The following SPTLC1 variants were observed in gnomAD, a reference collection of about 807,000 sequenced individuals.
SPTLC1 encodes the protein serine palmitoyltransferase 1.
A neutral mutation model predicts 68.9 loss-of-function variants in SPTLC1; 55 were observed. That is an observed-to-expected ratio of 0.80 (90% CI 0.64 to 1.00). SPTLC1 has a LOEUF of 1.00. Ranked by LOEUF, SPTLC1 falls within the 50% of genes least tolerant of loss-of-function variation. The pLI, the probability that SPTLC1 is intolerant of heterozygous loss-of-function variation, is 0.00. For missense variants in SPTLC1, 449 were observed against 573.1 expected, an observed-to-expected ratio of 0.78 and a Z score of 2.21; for synonymous variants, 197 against 201.6, an observed-to-expected ratio of 0.98 and a Z score of 0.19.
At chr9:92,059,374 G>A in intron 6 of SPTLC1, 66 bp from the exon 7 acceptor site, 2 of 1,560,056 alleles carry the variant, frequency 1.3e-6, no homozygotes, top group Non-Finnish European at 1.8e-6. Flanking sequence ...AAAAAGGAAT[G>A]CTTGTTTTTG....
intron 3 of SPTLC1, among the ~76,000 whole-genome samples, chr9:92,097,666 G>A (rs939526716): frequency 6.6e-6 from 1 of 152,190 alleles, no homozygotes; most frequent in African/African-American, 2.4e-5. Context: ...CCTGGGCAGA[G>A]GAAGGAGTGG....
At chr9:92,046,398 C>CAACT (rs1833515060) in intron 11 of SPTLC1, 2 of 231,174 alleles carry the variant, frequency 8.7e-6, no homozygotes, top group African/African-American at 4.6e-5. Flanking sequence ...GGTAAAAAAT[C>CAACT]AACTATAGTA....
intron 3 of SPTLC1, among the ~76,000 whole-genome samples, chr9:92,097,679 A>C (rs903027109): frequency 1.3e-5 from 2 of 152,232 alleles, no homozygotes; most frequent in Non-Finnish European, 2.9e-5. Context: ...AGGAGTGGGA[A>C]GTAACTGCTA....
In SPTLC1 at chr9:92,047,643, G is replaced by T. The variant is rs1418773326; in HGVS notation, c.954C>A (p.Cys318Ter). 4 of 1,613,458 alleles carry T rather than the reference G, an allele frequency of 2.5e-6. No individual in the cohort carries two copies. Among genetic ancestry groups the T allele is most frequent in the Non-Finnish European group, 3.4e-6 (4 of 1,179,522 alleles). ...GGTCAATTACAAAAGACCTGCCACAGCAGAAACCTCCAATAGAAGCAAGTG... is the reference window on the plus strand; with the variant it reads ...GGTCAATTACAAAAGACCTGCCACATCAGAAACCTCCAATAGAAGCAAGTG... Reference protein sequence around the residue: ...ENALASIGGFCCGRSFVIDHQ... With the variant: ...ENALASIGGF The change falls in exon 10 of 15, where the codon TGC (cysteine) becomes TGA (stop). Residue 318 changes from cysteine to a stop codon, truncating the protein, a stop_gained. Transcript: ENST00000262554. LOFTEE classifies it high-confidence loss of function.
chr9:92,032,761 A>G (rs1833013864), intron 14 of SPTLC1, among the ~76,000 whole-genome samples: 1 of 151,924 alleles, frequency 6.6e-6, no homozygotes, highest in African/African-American at 2.4e-5. Flanking sequence ...CTGTAGTCCC[A>G]GCTACTTGGG....
intron 9 of SPTLC1, among the ~76,000 whole-genome samples, chr9:92,048,468 A>G (rs1833595313): frequency 6.6e-6 from 1 of 152,206 alleles, no homozygotes; most frequent in African/African-American, 2.4e-5. Context: ...TGCCCTTTTT[A>G]AAAAGCATGT....
intron 12 of SPTLC1, among the ~76,000 whole-genome samples, chr9:92,045,572 GTTTC>G (rs1833487810): frequency 3.2e-5 from 3 of 92,842 alleles, no homozygotes; most frequent in African/African-American, 1.2e-4. Flanking sequence ...AATTTCACTT[GTTTC>G]TTTTTCTTGT....
chr9:92,109,044 T>C (rs929493577), intron 2 of SPTLC1: 105 of 609,300 alleles, frequency 1.7e-4, no homozygotes, highest in Admixed American at 5.8e-4. Context: ...TACCATAGAG[T>C]TGTACCTAGC....
chr9:92,078,763 AT>A (rs1234048822), intron 5 of SPTLC1, among the ~76,000 whole-genome samples: 2 of 152,136 alleles, frequency 1.3e-5, no homozygotes, highest in Non-Finnish European at 2.9e-5. Flanking sequence ...CCAATTTCTA[AT>A]TTTAGGGTTA....
intron 5 of SPTLC1, chr9:92,079,189 C>T: frequency 8.1e-6 from 3 of 370,674 alleles, no homozygotes; most frequent in Non-Finnish European, 1.3e-5. Flanking sequence ...AATTCTCCCA[C>T]CTCAGCCTCC....
intron 8 of SPTLC1, chr9:92,053,974 C>A: frequency 1.0e-6 from 1 of 985,376 alleles, no homozygotes; most frequent in Non-Finnish European, 1.2e-6. Flanking sequence ...AGTTATGCTG[C>A]TTTCACTATT....
chr9:92,062,581 G>C (rs1173958077), intron 6 of SPTLC1, among the ~76,000 whole-genome samples: 3 of 152,054 alleles, frequency 2.0e-5, no homozygotes, highest in Non-Finnish European at 4.4e-5. Flanking sequence ...TTCCAAAATA[G>C]ACTACCGTAT....
intron 7 of SPTLC1, 121 bp from the exon 8 acceptor site, chr9:92,055,615 T>G: frequency 1.0e-6 from 1 of 996,008 alleles, no homozygotes; most frequent in Admixed American, 2.0e-5. Flanking sequence ...CTGAATGAAT[T>G]GAAAGCTCAG....
intron 9 of SPTLC1, among the ~76,000 whole-genome samples, chr9:92,048,208 G>A (rs914607397): frequency 6.6e-6 from 1 of 152,120 alleles, no homozygotes; most frequent in African/African-American, 2.4e-5. Context: ...TTGACCAACT[G>A]GACAGCAGAA....
chr9:92,095,589 AT>A (rs1472877351), intron 3 of SPTLC1, among the ~76,000 whole-genome samples: 1 of 152,196 alleles, frequency 6.6e-6, no homozygotes, highest in Non-Finnish European at 1.5e-5. Context: ...CTGCTTTGAT[AT>A]TTCTTCATAC....
intron 3 of SPTLC1, among the ~76,000 whole-genome samples, chr9:92,100,472 A>C (rs1835706727): frequency 1.3e-5 from 2 of 152,192 alleles, no homozygotes; most frequent in Admixed American, 6.5e-5. Context: ...ACAAACTCTC[A>C]AAGAGGTTTG....
chr9:92,058,975 T>C (rs7857759), intron 7 of SPTLC1, among the ~76,000 whole-genome samples: 25,416 of 152,074 alleles, frequency 0.17, 2,467 homozygotes, highest in Non-Finnish European at 0.22. Flanking sequence ...CTCCCTCCAA[T>C]TTGCTATATG....
chr9:92,085,625 G>T (rs1187727959), intron 3 of SPTLC1, among the ~76,000 whole-genome samples: 1 of 150,030 alleles, frequency 6.7e-6, no homozygotes, highest in African/African-American at 2.4e-5. Context: ...TATAATTTCT[G>T]TTCTTTTACA....
chr9:92,088,400 G>A (rs908125207), intron 3 of SPTLC1, among the ~76,000 whole-genome samples: 1 of 151,992 alleles, frequency 6.6e-6, no homozygotes, highest in Non-Finnish European at 1.5e-5. Flanking sequence ...CTGCCCTCCG[G>A]GCTTCTCTTT....
Sources: allele counts gnomAD v4.1 joint callset (sites outside exome capture counted in the v4.1 genomes callset), GRCh38; gene constraint gnomAD v4.1.1; transcripts MANE v1.5; gene names NCBI Gene and HGNC (gene_info 2026-07-23, HGNC 2026-07-21).